Variants in MTHFD2L observed in about 807,000 individuals in gnomAD.
MTHFD2L encodes bifunctional methylenetetrahydrofolate dehydrogenase/cyclohydrolase 2, mitochondrial.
A neutral mutation model predicts 34.9 loss-of-function variants in MTHFD2L; 29 were observed. That is an observed-to-expected ratio of 0.83 (90% CI 0.62 to 1.13). MTHFD2L has a LOEUF of 1.13. Among genes scored for constraint, MTHFD2L ranks in the 50% most tolerant of loss-of-function variants. The pLI, the probability that MTHFD2L is intolerant of heterozygous loss-of-function variation, is 0.00. For synonymous variants in MTHFD2L, 167 were observed against 155.7 expected (o/e 1.07, Z -0.54); for missense variants, 481 against 446.5 (o/e 1.08, Z -0.70).
rs1739010139 is a variant in MTHFD2L, at chr4:74,225,507, C to G, written c.805+113C>G. The G allele has an allele frequency of 3.9e-6, 3 of 760,570 alleles. 1 individual carries two copies. The South Asian group carries it at 5.0e-5, about 13-fold the overall frequency. The allele number at this position is 760,570 out of a possible 1,614,324, so 47.1% of individuals were successfully genotyped here. A position where few individuals can be genotyped will look rare whatever the true frequency, so the allele number is the denominator to read the frequency against. On this transcript the variant is annotated intron_variant, in intron 6 of 7. Coordinates refer to ENST00000325278, the MANE Select transcript of MTHFD2L (RefSeq NM_001144978.3). Reference sequence around the variant, plus strand: ...GAGAGTTAGCTTTATGTATGACTAACTTCTGTTGATTGGATTCTGTCTCTT... The same window carrying G: ...GAGAGTTAGCTTTATGTATGACTAAGTTCTGTTGATTGGATTCTGTCTCTT...
At chr4:74,166,547 C>T (rs1726748255) in intron 1 of MTHFD2L, among the ~76,000 whole-genome samples, 1 of 152,240 alleles carries the variant, frequency 6.6e-6, no homozygotes, top group South Asian at 2.1e-4. Flanking sequence ...AACTTTAAAT[C>T]TGAAGGTGTC....
intron 1 of MTHFD2L, among the ~76,000 whole-genome samples, chr4:74,143,674 T>C (rs1723416163): frequency 6.6e-6 from 1 of 152,192 alleles, no homozygotes; most frequent in South Asian, 2.1e-4. Flanking sequence ...AAAGTTATCA[T>C]ACTAGAACAT....
chr4:74,166,219 A>G lies in MTHFD2L; in HGVS notation c.143+7938A>G, dbSNP rs1336068313. Among the ~76,000 whole-genome samples the G allele has an allele frequency of 2.0e-5, 3 of 152,368 alleles. No homozygotes were observed. The East Asian group carries it at 5.8e-4, about 29-fold the overall frequency. On this transcript the variant is annotated intron_variant, in intron 1 of 7. Coordinates refer to ENST00000325278, the MANE Select transcript of MTHFD2L (RefSeq NM_001144978.3). ...CTGGAAACAGTGGAAGGAGGCTGGA[A>G]GTCTGAAATCAAAGTATCTGTAGGC...
chr4:74,223,573 A>C (rs1346301598), intron 5 of MTHFD2L, among the ~76,000 whole-genome samples: 1 of 152,014 alleles, frequency 6.6e-6, no homozygotes, highest in African/African-American at 2.4e-5. Flanking sequence ...TCGTGACATG[A>C]GCTTACCTAT....
chr4:74,133,020 T>C (rs1242073037), intron 1 of MTHFD2L, among the ~76,000 whole-genome samples: 1 of 152,190 alleles, frequency 6.6e-6, no homozygotes, highest in Non-Finnish European at 1.5e-5. Context: ...CACTAATATG[T>C]TAGCATTTTT....
intron 5 of MTHFD2L, among the ~76,000 whole-genome samples, chr4:74,221,140 C>T (rs1245787074): frequency 2.0e-5 from 3 of 150,282 alleles, no homozygotes; most frequent in Non-Finnish European, 3.0e-5. Context: ...CCGATTTTGT[C>T]AATAATTATA....
Position 74,201,266 on chromosome 4 carries a change from T to C in MTHFD2L, c.608T>C (p.Ile203Thr). The C allele has an allele frequency of 6.2e-7, 1 of 1,613,002 alleles. No homozygotes were observed. The highest frequency in any genetic ancestry group is 8.5e-7 in the Non-Finnish European group (1 of 1,179,252). Reference protein sequence around the residue: ...AVWEIIKRTGIQTFGKNVVVA... With the variant: ...AVWEIIKRTGTQTFGKNVVVA... ...AAACCGAACTCTGTATTTTAAGGAATTCAAACATTTGGAAAAAATGTGGTT... is the reference window on the plus strand; with the variant it reads ...AAACCGAACTCTGTATTTTAAGGAACTCAAACATTTGGAAAAAATGTGGTT... The change falls in exon 5 of 8, where the codon ATT becomes ACT. Residue 203 changes from isoleucine to threonine, a missense_variant. Transcript: ENST00000325278.
chr4:74,274,999 T>G (rs906541733), intron 6 of MTHFD2L, among the ~76,000 whole-genome samples: 3 of 152,164 alleles, frequency 2.0e-5, no homozygotes, highest in Non-Finnish European at 1.5e-5. Flanking sequence ...ATGTGCAGGT[T>G]TATTACATAG....
chr4:74,272,528 T>G (rs1446550996), intron 6 of MTHFD2L, among the ~76,000 whole-genome samples: 1 of 152,152 alleles, frequency 6.6e-6, no homozygotes, highest in Non-Finnish European at 1.5e-5. Context: ...TTTAATATAT[T>G]AACTTTTTTG....
At chr4:74,179,292 C>G (rs1471802965) in intron 3 of MTHFD2L, among the ~76,000 whole-genome samples, 1 of 152,080 alleles carries the variant, frequency 6.6e-6, no homozygotes, top group Non-Finnish European at 1.5e-5. Flanking sequence ...GTTCCTAGCA[C>G]ATGTAACCAC....
At chr4:74,180,934 T>G (rs1730043108) in intron 3 of MTHFD2L, 1 of 179,906 alleles carries the variant, frequency 5.6e-6, no homozygotes, top group Non-Finnish European at 1.2e-5. Flanking sequence ...TATTTTATTT[T>G]TTTTTAGCTT....
chr4:74,127,432 A>G (rs1578221318), intron 1 of MTHFD2L, among the ~76,000 whole-genome samples: 2 of 152,112 alleles, frequency 1.3e-5, no homozygotes, highest in East Asian at 3.9e-4. Flanking sequence ...CTTGGTAACC[A>G]TCAATCTACT....
rs1223353957 is a variant in MTHFD2L at position 74,129,262 on chromosome 4, A to G, written c.-297+3745A>G. On this transcript the variant is annotated intron_variant, in intron 1 of 7. Coordinates refer to the MTHFD2L transcript ENST00000433372. ...AGCAGACCTAATAGACATCCACAGA[A>G]CTCTCCACCCAAAATCAACAGAATA... Among the ~76,000 whole-genome samples the G allele has an allele frequency of 3.3e-5, 5 of 152,142 alleles. No individual in the cohort carries two copies. In the South Asian group the frequency reaches 8.3e-4, roughly 25 times the overall value.
Position 74,158,187 on chromosome 4 carries a change from C to G in MTHFD2L, c.49C>G (p.Arg17Gly), listed in dbSNP as rs1427259376. Reference sequence around the variant, plus strand: ...CTCGCTGCTCCGCGGCCGCCTTGGCCGAGCGCCGGCGTTGGGCAGAAGCAC... The same window carrying G: ...CTCGCTGCTCCGCGGCCGCCTTGGCGGAGCGCCGGCGTTGGGCAGAAGCAC... Reference protein sequence around the residue: ...GFSLLRGRLGRAPALGRSTAP... With the variant: ...GFSLLRGRLGGAPALGRSTAP... Residue 17 changes from arginine (R) to glycine (G), a missense_variant, in exon 1 of 8, where the codon CGA (arginine) becomes GGA (glycine). Arg to Gly is a moderately radical substitution (Grantham distance 125). Coordinates refer to ENST00000325278, the MANE Select transcript of MTHFD2L (RefSeq NM_001144978.3). The G allele has an allele frequency of 1.3e-6, 2 of 1,525,560 alleles. No homozygotes were observed. The highest frequency in any genetic ancestry group is 1.2e-5 in the South Asian group (1 of 80,558). 94.5% of individuals were successfully genotyped at this position (1,525,560 alleles called of 1,614,324 possible). A position where few individuals can be genotyped will look rare whatever the true frequency, so the allele number is the denominator to read the frequency against.
intron 5 of MTHFD2L, among the ~76,000 whole-genome samples, chr4:74,211,027 G>T (rs1736222614): frequency 2.6e-5 from 4 of 152,144 alleles, no homozygotes; most frequent in Admixed American, 2.6e-4. Flanking sequence ...TTTACACATT[G>T]ATTTTGTGTC....
At position 74,134,699 on chromosome 4, in the gene MTHFD2L, G is replaced by A. The variant is rs1281348672; in HGVS notation, c.-297+9182G>A. On this transcript the variant is annotated intron_variant, in intron 1 of 7. Coordinates refer to the MTHFD2L transcript ENST00000433372. ...AAGAATTCAAAACAGCTGTTTTAAG[G>A]AAACTTTGTTATCTCTAAGATAACA... 3.9e-5 allele frequency among the ~76,000 whole-genome samples: 6 copies of A among 152,114 alleles called. No homozygotes were observed. The East Asian group carries it at 5.8e-4, about 15-fold the overall frequency.
At chr4:74,255,587 A>G (rs1743926855) in intron 6 of MTHFD2L, among the ~76,000 whole-genome samples, 1 of 152,148 alleles carries the variant, frequency 6.6e-6, no homozygotes, top group Non-Finnish European at 1.5e-5. Context: ...AAATGATTCC[A>G]TTGGTCAGCT....
chr4:74,194,679 T>C (rs1480507510), intron 3 of MTHFD2L: 6 of 152,204 alleles, frequency 3.9e-5, no homozygotes, highest in Admixed American at 3.9e-4. Flanking sequence ...TATTGTGAAC[T>C]ATAACAAGTA....
chr4:74,148,167 A>C (rs1201958816), intron 1 of MTHFD2L, among the ~76,000 whole-genome samples: 1 of 152,054 alleles, frequency 6.6e-6, no homozygotes, highest in African/African-American at 2.4e-5. Flanking sequence ...AAAATCAATT[A>C]ATCATATATG....
Sources: allele counts gnomAD v4.1 joint callset (sites outside exome capture counted in the v4.1 genomes callset), GRCh38; gene constraint gnomAD v4.1.1; transcripts MANE v1.5; gene names NCBI Gene and HGNC (gene_info 2026-07-23, HGNC 2026-07-21).